PTPRT: variants seen among roughly 807,000 people sequenced by gnomAD.
PTPRT encodes receptor-type tyrosine-protein phosphatase T.
Under a neutral mutation model 176.8 loss-of-function variants are expected in PTPRT, and 56 were observed. The ratio of observed to expected loss-of-function variants is 0.32; its 90% confidence interval spans 0.26 to 0.40. The LOEUF (loss-of-function observed/expected upper bound fraction) is 0.40. Ranked by LOEUF, PTPRT falls within the 10% of genes least tolerant of loss-of-function variation. The pLI is 1.00. For synonymous variants in PTPRT, 783 were observed against 739.0 expected, an observed-to-expected ratio of 1.06 and a Z score of -0.96; for missense variants, 1,540 against 1,908.2, an observed-to-expected ratio of 0.81 and a Z score of 3.60.
At chr20:43,013,836 G>C (rs1317268628) in intron 1 of PTPRT, among the ~76,000 whole-genome samples, 1 of 152,186 alleles carries the variant, frequency 6.6e-6, no homozygotes, top group Non-Finnish European at 1.5e-5. Context: ...AGACAGAACT[G>C]GGTTTGAGTC....
intron 7 of PTPRT, among the ~76,000 whole-genome samples, chr20:42,605,082 G>A (rs1419089972): frequency 2.0e-5 from 3 of 152,202 alleles, no homozygotes; most frequent in Non-Finnish European, 4.4e-5. Context: ...AACTCATGGA[G>A]TGAGGCGTGA....
intron 28 of PTPRT, among the ~76,000 whole-genome samples, 154 bp from the exon 29 acceptor site, chr20:42,084,999 A>G (rs1983737950): frequency 6.6e-6 from 1 of 152,148 alleles, no homozygotes; most frequent in African/African-American, 2.4e-5. Flanking sequence ...GACTACTTCT[A>G]TTCCTTCGTG....
At chr20:42,195,688 T>C (rs1326781059) in intron 16 of PTPRT, among the ~76,000 whole-genome samples, 1 of 152,224 alleles carries the variant, frequency 6.6e-6, no homozygotes, top group Non-Finnish European at 1.5e-5. Context: ...TATTTAAATA[T>C]TTTAGAAAGC....
At chr20:43,135,652 G>A (rs866018684) in intron 1 of PTPRT, among the ~76,000 whole-genome samples, 1 of 152,178 alleles carries the variant, frequency 6.6e-6, no homozygotes, top group East Asian at 1.9e-4. Flanking sequence ...ACTGTTGGTT[G>A]GGAAAGAAAC....
At chr20:42,589,773 C>G (rs1374268577) in intron 7 of PTPRT, among the ~76,000 whole-genome samples, 2 of 152,144 alleles carry the variant, frequency 1.3e-5, no homozygotes, top group African/African-American at 2.4e-5. Context: ...GCCAGAAGTC[C>G]TAGTTCAAGT....
At chr20:42,331,010 T>C (rs988202929) in intron 11 of PTPRT, among the ~76,000 whole-genome samples, 1 of 152,208 alleles carries the variant, frequency 6.6e-6, no homozygotes, top group Non-Finnish European at 1.5e-5. Context: ...ATTAGGGGAC[T>C]GGAAAGCTTG....
chr20:42,306,890 G>C (rs1407625206), intron 12 of PTPRT, among the ~76,000 whole-genome samples: 2 of 152,268 alleles, frequency 1.3e-5, no homozygotes, highest in East Asian at 3.9e-4. Flanking sequence ...CTAGGTGTTC[G>C]TCCATCTACT....
Position 42,274,581 on chromosome 20 carries a change from G to GTGTGTGTGTGTGTGTGTGTGTA in PTPRT, c.2176+7907_2176+7908insTACACACACACACACACACACA, listed in dbSNP as rs746699418. On this transcript the variant is annotated intron_variant, in intron 13 of 30. Transcript: ENST00000373187. The stretch of plus-strand genomic sequence containing the variant: ...TGTGTGTGTGTGTGTGTGTGTGTGT[G>GTGTGTGTGTGTGTGTGTGTGTA]TGTGTGTGTGTTAGCCTGCAAAGAA... Among the ~76,000 whole-genome samples the GTGTGTGTGTGTGTGTGTGTGTA allele has an allele frequency of 1.2e-3, 164 of 134,156 alleles. 5 individuals are homozygous for GTGTGTGTGTGTGTGTGTGTGTA. Among genetic ancestry groups the GTGTGTGTGTGTGTGTGTGTGTA allele is most frequent in the African/African-American group, 4.6e-3 (152 of 33,382 alleles). The allele number at this position is 134,156 out of a possible 152,430, so 88.0% of individuals were successfully genotyped here. A position where few individuals can be genotyped will look rare whatever the true frequency, so the allele number is the denominator to read the frequency against.
At chr20:42,450,908 G>T (rs772354669) in intron 8 of PTPRT, among the ~76,000 whole-genome samples, 7 of 152,242 alleles carry the variant, frequency 4.6e-5, no homozygotes, top group Middle Eastern at 6.8e-3. Context: ...CTGACATAAA[G>T]GGATATGGTA....
At chr20:42,788,817 CG>C (rs1374465205) in intron 3 of PTPRT, among the ~76,000 whole-genome samples, 1 of 152,148 alleles carries the variant, frequency 6.6e-6, no homozygotes, top group East Asian at 1.9e-4. Flanking sequence ...GGAGTTACCC[CG>C]CTTCATCTCC....
At chr20:42,731,476 G>C (rs1319695087) in intron 6 of PTPRT, among the ~76,000 whole-genome samples, 1 of 152,292 alleles carries the variant, frequency 6.6e-6, no homozygotes, top group Non-Finnish European at 1.5e-5. Flanking sequence ...CACTACCCAT[G>C]TACAGCCGCT....
chr20:42,758,496 C>T (rs897191932), intron 5 of PTPRT, among the ~76,000 whole-genome samples: 3 of 152,176 alleles, frequency 2.0e-5, no homozygotes, highest in South Asian at 4.1e-4. Flanking sequence ...CTCCAGGCTA[C>T]AGGCTACAGG....
At chr20:42,730,769 A>C (rs2076448721) in intron 6 of PTPRT, among the ~76,000 whole-genome samples, 1 of 152,146 alleles carries the variant, frequency 6.6e-6, no homozygotes, top group Admixed American at 6.5e-5. Flanking sequence ...ATGGCTGATG[A>C]CTGATTGGTT....
chr20:43,118,158 A>G (rs1218887588), intron 1 of PTPRT, among the ~76,000 whole-genome samples: 2 of 152,222 alleles, frequency 1.3e-5, no homozygotes, highest in African/African-American at 4.8e-5. Context: ...ATGTAAACAA[A>G]TGAGCAAGGC....
chr20:42,515,555 T>C (rs2072046729), intron 7 of PTPRT, among the ~76,000 whole-genome samples: 1 of 152,200 alleles, frequency 6.6e-6, no homozygotes, highest in Non-Finnish European at 1.5e-5. Flanking sequence ...ATACTTATTA[T>C]CATTTTTAAT....
chr20:42,612,202 C>A (rs1308882173), intron 7 of PTPRT, among the ~76,000 whole-genome samples: 1 of 152,198 alleles, frequency 6.6e-6, no homozygotes, highest in Non-Finnish European at 1.5e-5. Context: ...ACTCTCCCAC[C>A]ATTGTTCTTC....
At chr20:42,349,804 C>A (rs964763815) in intron 11 of PTPRT, among the ~76,000 whole-genome samples, 5 of 152,160 alleles carry the variant, frequency 3.3e-5, no homozygotes, top group Non-Finnish European at 7.3e-5. Flanking sequence ...ATATTGCTGC[C>A]CTTGTGCAAA....
At chr20:43,132,918 G>A (rs912236031) in intron 1 of PTPRT, among the ~76,000 whole-genome samples, 20 of 152,190 alleles carry the variant, frequency 1.3e-4, no homozygotes, top group African/African-American at 4.8e-4. Flanking sequence ...TTATATATGA[G>A]TAAAGGAAAA....
intron 11 of PTPRT, among the ~76,000 whole-genome samples, chr20:42,338,010 C>A (rs760497193): frequency 9.2e-5 from 14 of 152,214 alleles, no homozygotes; most frequent in Non-Finnish European, 1.5e-4. Context: ...GCTTCCTGAA[C>A]TGAAAGATGA....
Sources: allele counts gnomAD v4.1 joint callset (sites outside exome capture counted in the v4.1 genomes callset), GRCh38; gene constraint gnomAD v4.1.1; transcripts MANE v1.5; gene names NCBI Gene and HGNC (gene_info 2026-07-23, HGNC 2026-07-21).